The following CNTN5 variants were observed in gnomAD, a reference collection of about 807,000 sequenced individuals.
The protein encoded by CNTN5 is contactin-5.
A neutral mutation model predicts 129.1 loss-of-function variants in CNTN5; 77 were observed. That is an observed-to-expected ratio of 0.60 (90% CI 0.50 to 0.72). The LOEUF (loss-of-function observed/expected upper bound fraction) is 0.72. Among genes scored for constraint, CNTN5 ranks in the 30% least tolerant of loss-of-function variants. The pLI, the probability that CNTN5 is intolerant of heterozygous loss-of-function variation, is 0.00. For missense variants in CNTN5, 1,478 were observed against 1,328.8 expected, an observed-to-expected ratio of 1.11 and a Z score of -1.75; for synonymous variants, 509 against 465.6, an observed-to-expected ratio of 1.09 and a Z score of -1.20.
At chr11:99,722,134 T>C (rs536143374) in intron 3 of CNTN5, among the ~76,000 whole-genome samples, 29 of 152,238 alleles carry the variant, frequency 1.9e-4, no homozygotes, top group East Asian at 7.7e-4. Flanking sequence ...ATTACTGATA[T>C]ATACCATGAC....
intron 1 of CNTN5, among the ~76,000 whole-genome samples, chr11:99,149,249 G>C (rs1243641119): frequency 6.6e-6 from 1 of 152,056 alleles, no homozygotes; most frequent in Non-Finnish European, 1.5e-5. Context: ...CATCAACAAG[G>C]CCTGAGGATG....
chr11:99,068,095 C>G (rs1314693620), intron 1 of CNTN5, among the ~76,000 whole-genome samples: 2 of 152,144 alleles, frequency 1.3e-5, no homozygotes, highest in Non-Finnish European at 2.9e-5. Context: ...CTTCCTGTGG[C>G]TTCCCCAGCC....
At chr11:100,020,058 G>A (rs1401489698) in intron 9 of CNTN5, among the ~76,000 whole-genome samples, 1 of 151,716 alleles carries the variant, frequency 6.6e-6, no homozygotes, top group Non-Finnish European at 1.5e-5. Context: ...TATATGATTT[G>A]CAAATATTTT....
intron 1 of CNTN5, among the ~76,000 whole-genome samples, chr11:99,245,448 A>G (rs1334062553): frequency 6.6e-6 from 1 of 152,112 alleles, no homozygotes; most frequent in Non-Finnish European, 1.5e-5. Flanking sequence ...CCTCCCAAGT[A>G]ACAGGGATTA....
chr11:99,177,222 T>C (rs1857819851), intron 1 of CNTN5, among the ~76,000 whole-genome samples: 1 of 152,212 alleles, frequency 6.6e-6, no homozygotes, highest in South Asian at 2.1e-4. Context: ...TCAATACTTC[T>C]GGTCCCTTCC....
intron 3 of CNTN5, among the ~76,000 whole-genome samples, chr11:99,795,829 A>T (rs1445943820): frequency 6.6e-6 from 1 of 152,070 alleles, no homozygotes; most frequent in African/African-American, 2.4e-5. Context: ...TGACTTAGTT[A>T]TCTGATCCAT....
intron 8 of CNTN5, among the ~76,000 whole-genome samples, chr11:99,962,818 T>G (rs879500620): frequency 6.6e-5 from 10 of 151,800 alleles, no homozygotes; most frequent in Admixed American, 2.0e-4. Context: ...CTGCAGCACC[T>G]GTTGTTTCCT....
At chr11:99,038,141 T>G (rs1863834194) in intron 1 of CNTN5, among the ~76,000 whole-genome samples, 1 of 152,174 alleles carries the variant, frequency 6.6e-6, no homozygotes, top group African/African-American at 2.4e-5. Context: ...AGCTCTCAGT[T>G]AAGTTGTTAT....
chr11:100,264,137 G>T (rs1950255392), intron 17 of CNTN5, among the ~76,000 whole-genome samples: 1 of 151,952 alleles, frequency 6.6e-6, no homozygotes, highest in African/African-American at 2.4e-5. Flanking sequence ...TTAGGCATTT[G>T]AATTATTTTT....
At chr11:99,095,135 C>G (rs1289442402) in intron 1 of CNTN5, among the ~76,000 whole-genome samples, 1 of 151,760 alleles carries the variant, frequency 6.6e-6, no homozygotes, top group Non-Finnish European at 1.5e-5. Flanking sequence ...TATTATTAAA[C>G]TAAATATACT....
intron 16 of CNTN5, among the ~76,000 whole-genome samples, chr11:100,243,228 A>G (rs1412839838): frequency 6.6e-6 from 1 of 152,266 alleles, no homozygotes; most frequent in East Asian, 1.9e-4. Context: ...AACGATTCAG[A>G]TGCTGAATTC....
chr11:99,259,977 T>G (rs1288460609), intron 1 of CNTN5, among the ~76,000 whole-genome samples: 1 of 151,720 alleles, frequency 6.6e-6, no homozygotes, highest in African/African-American at 2.4e-5. Flanking sequence ...ATTTTCCTTG[T>G]CAATTTGTAA....
At chr11:99,130,605 G>C (rs188182778) in intron 1 of CNTN5, among the ~76,000 whole-genome samples, 3 of 152,236 alleles carry the variant, frequency 2.0e-5, no homozygotes, top group African/African-American at 7.2e-5. Flanking sequence ...TCTGGACCAA[G>C]TGGACCTAAT....
At chr11:99,040,877 A>G (rs1257537008) in intron 1 of CNTN5, among the ~76,000 whole-genome samples, 1 of 152,140 alleles carries the variant, frequency 6.6e-6, no homozygotes, top group African/African-American at 2.4e-5. Flanking sequence ...AGTATTTAGC[A>G]TTAACATTTC....
intron 2 of CNTN5, among the ~76,000 whole-genome samples, chr11:99,527,533 T>A (rs1040428299): frequency 6.6e-6 from 1 of 152,086 alleles, no homozygotes; most frequent in Non-Finnish European, 1.5e-5. Flanking sequence ...ACTTCCAGTA[T>A]GAATATGGAA....
At chr11:99,827,533 A>G (rs1947002289) in intron 4 of CNTN5, among the ~76,000 whole-genome samples, 1 of 152,222 alleles carries the variant, frequency 6.6e-6, no homozygotes, top group South Asian at 2.1e-4. Flanking sequence ...AATTTAAAAC[A>G]AGACTAGACT....
At position 99,988,600 on chromosome 11, in the gene CNTN5, G is replaced by A. The variant is rs1407773881; in HGVS notation, c.878-13434G>A. On this transcript the variant is annotated intron_variant, in intron 8 of 24. Transcript: ENST00000524871. The stretch of plus-strand genomic sequence containing the variant: ...TCAGGAGAAACATGACATGATAAGA[G>A]AAATGGTATAGAGAAATCCAAGATT... 7.9e-5 allele frequency among the ~76,000 whole-genome samples: 12 copies of A among 152,286 alleles called. No individual in the cohort carries two copies. The East Asian group carries it at 2.3e-3, about 29-fold the overall frequency.
chr11:100,158,394 C>A (rs543245930), intron 13 of CNTN5, among the ~76,000 whole-genome samples: 26 of 151,950 alleles, frequency 1.7e-4, no homozygotes, highest in African/African-American at 5.1e-4. Flanking sequence ...GCTACACACA[C>A]AAAATAACTT....
chr11:100,081,253 G>T (rs535261083), intron 13 of CNTN5, among the ~76,000 whole-genome samples: 1 of 152,050 alleles, frequency 6.6e-6, no homozygotes, highest in East Asian at 1.9e-4. Flanking sequence ...TGGAAATTAA[G>T]AATATATAGC....
Sources: gnomAD v4.1 joint callset for allele counts (sites outside exome capture counted in the v4.1 genomes callset) on GRCh38, gnomAD v4.1.1 for gene constraint, MANE v1.5 for transcripts, NCBI Gene and HGNC (gene_info 2026-07-23, HGNC 2026-07-21) for gene names.